Variants in GLT8D2 observed in about 807,000 individuals in gnomAD.
GLT8D2 encodes the protein glycosyltransferase 8 domain-containing protein 2.
In GLT8D2, 45 loss-of-function variants were observed where a neutral mutation model predicts 44.5. The ratio of observed to expected loss-of-function variants is 1.01; its 90% CI spans 0.80 to 1.30. The LOEUF (loss-of-function observed/expected upper bound fraction) is 1.30. Among genes scored for constraint, GLT8D2 ranks in the 50% most tolerant of loss-of-function variants. The probability of loss-of-function intolerance (pLI) is 0.00; values close to 1 mark genes in which losing one functional copy is unlikely to be tolerated. For missense variants in GLT8D2, 400 were observed against 430.4 expected (o/e 0.93, Z 0.62); for synonymous variants, 156 against 157.2 (o/e 0.99, Z 0.06).
chr12:104,063,701 T>C (rs1882898386), intron 1 of GLT8D2, among the ~76,000 whole-genome samples: 3 of 152,156 alleles, frequency 2.0e-5, no homozygotes, highest in African/African-American at 7.2e-5. Context: ...CCCCAGTCTT[T>C]TTTTTCAACA....
intron 3 of GLT8D2, among the ~76,000 whole-genome samples, chr12:104,018,094 G>A (rs1169036251): frequency 6.6e-6 from 1 of 151,680 alleles, no homozygotes; most frequent in Admixed American, 6.6e-5. Flanking sequence ...CTCAGCCTCC[G>A]AAGTAGCTGG....
At chr12:104,041,069 C>T (rs1295358056) in intron 1 of GLT8D2, among the ~76,000 whole-genome samples, 1 of 151,836 alleles carries the variant, frequency 6.6e-6, no homozygotes, top group Non-Finnish European at 1.5e-5. Flanking sequence ...GAGTTCGAGA[C>T]CAGCCTGGCC....
At chr12:104,033,607 T>C (rs12427086) in intron 1 of GLT8D2, among the ~76,000 whole-genome samples, 13,371 of 152,134 alleles carry the variant, frequency 0.088, 878 homozygotes, top group East Asian at 0.3. Context: ...ACTAATAATG[T>C]ATTGTATACT....
chr12:104,001,131 A>G (rs1299652488), intron 5 of GLT8D2, among the ~76,000 whole-genome samples: 2 of 152,226 alleles, frequency 1.3e-5, no homozygotes, highest in African/African-American at 4.8e-5. Flanking sequence ...AATTTCCTAA[A>G]GTAGATCATA....
intron 9 of GLT8D2, 197 bp downstream of exon 9, chr12:103,994,138 C>T (rs1873118335): frequency 2.4e-6 from 1 of 408,824 alleles, no homozygotes; most frequent in African/African-American, 2.0e-5. Flanking sequence ...TCCACAGGAT[C>T]TTGATTCCTC....
intron 1 of GLT8D2, among the ~76,000 whole-genome samples, chr12:104,059,275 T>A (rs1158221439): frequency 6.6e-6 from 1 of 152,192 alleles, no homozygotes; most frequent in Non-Finnish European, 1.5e-5. Context: ...CCATCTTTTC[T>A]TGATCCTCCA....
intron 1 of GLT8D2, among the ~76,000 whole-genome samples, chr12:104,041,636 G>C (rs1024439839): frequency 6.6e-6 from 1 of 152,114 alleles, no homozygotes; most frequent in Non-Finnish European, 1.5e-5. Flanking sequence ...AGGACAAGAA[G>C]GTAATTAGGG....
chr12:104,011,938 A>C (rs565980047), intron 4 of GLT8D2, among the ~76,000 whole-genome samples: 2 of 151,976 alleles, frequency 1.3e-5, no homozygotes, highest in South Asian at 4.2e-4. Context: ...TTGGGACACT[A>C]AGGTGGGCAG....
intron 3 of GLT8D2, among the ~76,000 whole-genome samples, chr12:104,017,951 A>T (rs957821600): frequency 6.6e-6 from 1 of 152,068 alleles, no homozygotes; most frequent in Non-Finnish European, 1.5e-5. Flanking sequence ...GTTATGCATC[A>T]TTGTTATTAT....
intron 1 of GLT8D2, among the ~76,000 whole-genome samples, chr12:104,022,762 ACACACACATGCACACACACACACACATG>A (rs969473716): frequency 6.6e-6 from 1 of 151,640 alleles, no homozygotes; most frequent in African/African-American, 2.4e-5. Context: ...ACACACACAC[ACACACACATGCACACACACACACACATG>A]CACACACACA....
At chr12:104,000,374 C>T (rs866811383) in intron 5 of GLT8D2, among the ~76,000 whole-genome samples, 10 of 152,116 alleles carry the variant, frequency 6.6e-5, no homozygotes, top group Non-Finnish European at 1.2e-4. Context: ...TTTCTAGATA[C>T]CACTGGACAC....
intron 4 of GLT8D2, among the ~76,000 whole-genome samples, chr12:104,005,968 G>A (rs979213965): frequency 2.0e-5 from 3 of 152,124 alleles, no homozygotes; most frequent in African/African-American, 7.2e-5. Flanking sequence ...CAATAGCAAA[G>A]ACTTGGAACC....
intron 1 of GLT8D2, among the ~76,000 whole-genome samples, chr12:104,056,778 G>A (rs934476038): frequency 6.6e-6 from 1 of 152,196 alleles, no homozygotes; most frequent in Non-Finnish European, 1.5e-5. Context: ...GTAAATAACA[G>A]ATGCACGCCA....
intron 10 of GLT8D2, among the ~76,000 whole-genome samples, chr12:103,991,180 T>A (rs964966708): frequency 6.6e-6 from 1 of 152,082 alleles, no homozygotes; most frequent in Non-Finnish European, 1.5e-5. Flanking sequence ...GTCAGTAAAG[T>A]GGATATTTCT....
At chr12:104,042,261 C>T (rs1159592470) in intron 1 of GLT8D2, among the ~76,000 whole-genome samples, 1 of 152,172 alleles carries the variant, frequency 6.6e-6, no homozygotes, top group Non-Finnish European at 1.5e-5. Context: ...GTGTCAACTC[C>T]CCCTTCCTCC....
chr12:104,030,669 A>G (rs1879133173), intron 1 of GLT8D2: 1 of 1,503,870 alleles, frequency 6.6e-7, no homozygotes. Flanking sequence ...AAAATATATA[A>G]GAAACTCATA....
chr12:104,062,740 G>A (rs530794410), intron 1 of GLT8D2, among the ~76,000 whole-genome samples: 325 of 152,218 alleles, frequency 2.1e-3, no homozygotes, highest in Non-Finnish European at 3.8e-3. Context: ...CTCCAAAAGT[G>A]CTGGGATTAC....
intron 6 of GLT8D2, among the ~76,000 whole-genome samples, chr12:103,998,794 C>T (rs531076292): frequency 1.3e-5 from 2 of 152,178 alleles, no homozygotes; most frequent in African/African-American, 4.8e-5. Context: ...CAATCCTCCC[C>T]GCTCAGCCTC....
At chr12:104,027,461 A>G (rs1369882821) in intron 1 of GLT8D2, among the ~76,000 whole-genome samples, 1 of 152,246 alleles carries the variant, frequency 6.6e-6, no homozygotes, top group Non-Finnish European at 1.5e-5. Flanking sequence ...CTTCCTGGAC[A>G]TCCTAGTTAT....
Sources: gnomAD v4.1 joint callset for allele counts (sites outside exome capture counted in the v4.1 genomes callset) on GRCh38, gnomAD v4.1.1 for gene constraint, MANE v1.5 for transcripts, NCBI Gene and HGNC (gene_info 2026-07-23, HGNC 2026-07-21) for gene names.